The following SAMMSON variants were observed in gnomAD, a reference collection of about 807,000 sequenced individuals.
SAMMSON encodes the protein long intergenic non-protein coding RNA 1212.
intron 9 of SAMMSON, among the ~76,000 whole-genome samples, chr3:70,367,716 A>T (rs1278545897): frequency 6.6e-6 from 1 of 151,478 alleles, no homozygotes; most frequent in African/African-American, 2.4e-5. Flanking sequence ...TGACTTACTG[A>T]TTTCCTTTCT....
chr3:70,381,682 G>GA (rs148671021), intron 9 of SAMMSON, among the ~76,000 whole-genome samples: 18 of 149,448 alleles, frequency 1.2e-4, no homozygotes, highest in African/African-American at 2.7e-4. Context: ...AGTAAGGGGA[G>GA]AAAAAAAAAC....
chr3:70,234,903 A>G (rs1291930261), intron 4 of SAMMSON, among the ~76,000 whole-genome samples: 1 of 152,106 alleles, frequency 6.6e-6, no homozygotes. Context: ...GCTGCCTTGG[A>G]CATCTTCAGC....
chr3:70,413,397 T>A (rs1701237538), intron 2 of SAMMSON, among the ~76,000 whole-genome samples: 1 of 152,120 alleles, frequency 6.6e-6, no homozygotes. Context: ...ATAGCTCAAG[T>A]GGATTCATGC....
At chr3:70,002,247 A>G (rs1213651268) in intron 1 of SAMMSON, among the ~76,000 whole-genome samples, 1 of 152,216 alleles carries the variant, frequency 6.6e-6, no homozygotes, top group Non-Finnish European at 1.5e-5. Flanking sequence ...TAGAAATGCA[A>G]CTGCTGGGTC....
At chr3:70,376,748 G>A (rs186032494) in intron 9 of SAMMSON, among the ~76,000 whole-genome samples, 14 of 152,076 alleles carry the variant, frequency 9.2e-5, no homozygotes, top group Non-Finnish European at 1.8e-4. Flanking sequence ...ATTATAGATG[G>A]CAAATAAAGA....
intron 4 of SAMMSON, among the ~76,000 whole-genome samples, chr3:70,093,887 G>T (rs1165692201): frequency 6.6e-6 from 1 of 152,098 alleles, no homozygotes; most frequent in African/African-American, 2.4e-5. Context: ...TCTTAAATGG[G>T]TGATTGAAGT....
chr3:70,062,201 TA>T (rs1467327134), intron 3 of SAMMSON, among the ~76,000 whole-genome samples: 1 of 152,010 alleles, frequency 6.6e-6, no homozygotes, highest in Non-Finnish European at 1.5e-5. Context: ...ATACAAATAA[TA>T]ATATCGGCAT....
intron 9 of SAMMSON, among the ~76,000 whole-genome samples, chr3:70,368,248 G>T (rs1219828272): frequency 6.6e-6 from 1 of 151,402 alleles, no homozygotes; most frequent in African/African-American, 2.4e-5. Context: ...AATCCAATAA[G>T]AATACTATAC....
intron 4 of SAMMSON, among the ~76,000 whole-genome samples, chr3:70,247,659 A>G (rs1701720727): frequency 6.6e-6 from 1 of 151,908 alleles, no homozygotes; most frequent in Non-Finnish European, 1.5e-5. Context: ...CAAGGTAACT[A>G]TTTTTATCCC....
At chr3:70,343,384 C>T (rs1237285083) in intron 7 of SAMMSON, among the ~76,000 whole-genome samples, 4 of 152,076 alleles carry the variant, frequency 2.6e-5, no homozygotes, top group East Asian at 1.9e-4. Flanking sequence ...CCTTTGGCTC[C>T]TCTTTACTGT....
intron 6 of SAMMSON, among the ~76,000 whole-genome samples, chr3:70,257,605 G>A (rs753632740): frequency 6.6e-5 from 10 of 152,280 alleles, no homozygotes; most frequent in Non-Finnish European, 1.3e-4. Flanking sequence ...ATTTAAGGAA[G>A]TATATGTGAG....
chr3:70,360,180 T>C lies in SAMMSON; in HGVS notation n.913+1856T>C, dbSNP rs1039897247. Among the ~76,000 whole-genome samples, 3 of 152,086 alleles carry C rather than the reference T, an allele frequency of 2.0e-5. No individual in the cohort carries two copies. In the South Asian group the frequency reaches 6.2e-4, roughly 32 times the overall value. On this transcript the variant is annotated intron_variant and non_coding_transcript_variant, in intron 9 of 9. Transcript: ENST00000642114. The stretch of plus-strand genomic sequence containing the variant: ...AGATAAAGAAAAGCCAAAGATTTAA[T>C]AGAAAGGAGAAGAGCAAAAGATCTC...
At position 70,016,010 on chromosome 3, in the gene SAMMSON, G is replaced by T. The variant is rs574839727; in HGVS notation, n.417+2338G>T. Reference sequence around the variant, plus strand: ...GCAAGTCTTTGCTGTTGTGAATAGTGCCGCAATAAACATACATGTGCTTGT... The same window carrying T: ...GCAAGTCTTTGCTGTTGTGAATAGTTCCGCAATAAACATACATGTGCTTGT... On this transcript the variant is annotated intron_variant and non_coding_transcript_variant, in intron 3 of 9. Coordinates refer to ENST00000642114, the Ensembl canonical transcript of SAMMSON. Among the ~76,000 whole-genome samples the T allele has an allele frequency of 2.0e-4, 30 of 152,270 alleles. No individual in the cohort carries two copies. In the East Asian group the frequency reaches 4.4e-3, roughly 23 times the overall value.
At chr3:70,282,126 G>A (rs74678924) in intron 6 of SAMMSON, among the ~76,000 whole-genome samples, 6,683 of 152,124 alleles carry the variant, frequency 0.044, 221 homozygotes, top group South Asian at 0.078. Context: ...TGGGGAAATG[G>A]GTCAGGGAAC....
intron 4 of SAMMSON, among the ~76,000 whole-genome samples, chr3:70,114,299 C>T (rs765728593): frequency 5.3e-5 from 8 of 152,140 alleles, no homozygotes; most frequent in Non-Finnish European, 1.2e-4. Context: ...TAGATTACCC[C>T]GTGTGTACAA....
chr3:70,415,319 A>G (rs895084902), intron 2 of SAMMSON, among the ~76,000 whole-genome samples: 7 of 152,080 alleles, frequency 4.6e-5, no homozygotes, highest in Admixed American at 3.9e-4. Flanking sequence ...TTTGTTTAGA[A>G]GCTTGCTTTT....
chr3:70,383,351 A>AAT (rs1221141088), intron 9 of SAMMSON, among the ~76,000 whole-genome samples: 50 of 151,502 alleles, frequency 3.3e-4, no homozygotes, highest in Admixed American at 3.1e-3. Context: ...TAAAAATAAA[A>AAT]AAAAAAAACA....
chr3:70,322,855 T>C (rs1702547606), intron 7 of SAMMSON, among the ~76,000 whole-genome samples: 2 of 152,056 alleles, frequency 1.3e-5, no homozygotes, highest in African/African-American at 4.8e-5. Context: ...ATTATAAAAT[T>C]AGTAAAGTTA....
chr3:70,104,429 A>G (rs531873986), intron 4 of SAMMSON, among the ~76,000 whole-genome samples: 1 of 152,222 alleles, frequency 6.6e-6, no homozygotes, highest in East Asian at 1.9e-4. Context: ...CCTGACAAGC[A>G]GTAGATATTC....
Sources: allele counts gnomAD v4.1 joint callset (sites outside exome capture counted in the v4.1 genomes callset), GRCh38; gene constraint gnomAD v4.1.1; transcripts MANE v1.5; gene names NCBI Gene and HGNC (gene_info 2026-07-23, HGNC 2026-07-21).